The following ING3 variants were observed in gnomAD, a reference collection of about 807,000 sequenced individuals.
ING3 encodes inhibitor of growth protein 3.
ING3 carries 6 observed loss-of-function variants against 64.8 expected under a neutral mutation model. The observed-to-expected ratio is 0.09, with a 90% CI of 0.05 to 0.18. The LOEUF is 0.18. Among genes scored for constraint, ING3 ranks in the 10% least tolerant of loss-of-function variants. The probability of loss-of-function intolerance (pLI) is 1.00; values close to 1 mark genes in which losing one functional copy is unlikely to be tolerated. For missense variants in ING3, 310 were observed against 489.7 expected (o/e 0.63, Z 3.46); for synonymous variants, 170 against 173.7 (o/e 0.98, Z 0.17).
At chr7:120,966,579 G>A in intron 5 of ING3, 47 bp from the exon 6 acceptor site, 1 of 1,397,750 alleles carries the variant, frequency 7.2e-7, no homozygotes, top group Non-Finnish European at 1.0e-6. Flanking sequence ...GTGAAGTTCT[G>A]CGGTGACATT....
chr7:120,973,061 A>T (rs550373504), intron 10 of ING3, 144 bp from the exon 11 acceptor site: 37 of 518,114 alleles, frequency 7.1e-5, no homozygotes, highest in Non-Finnish European at 1.2e-4. Flanking sequence ...TTCAGGAAAA[A>T]ATTATTATAC....
In ING3 at chr7:120,950,778, C is replaced by G. The variant is rs1333079657; in HGVS notation, c.-119C>G. On this transcript the variant is annotated 5_prime_UTR_variant, in exon 1 of 12. Coordinates refer to ENST00000315870, the MANE Select transcript of ING3 (RefSeq NM_019071.3). ...TTTTTTTTTCTTTTTTTTTTTTTGC[C>G]GGAGTCGAGCGGGTGCTGCTAGCGG... 4 of 589,040 alleles carry G rather than the reference C, an allele frequency of 6.8e-6. No individual in the cohort carries two copies. Among genetic ancestry groups the G allele is most frequent in the Non-Finnish European group, 1.1e-5 (4 of 370,922 alleles). The allele number at this position is 589,040 out of a possible 1,614,324, so 36.5% of individuals were successfully genotyped here.
At chr7:120,955,432 G>T in intron 3 of ING3, 127 bp from the exon 4 acceptor site, 1 of 670,500 alleles carries the variant, frequency 1.5e-6, no homozygotes. Context: ...CCTCTAACAG[G>T]TTTTTTATTA....
In ING3 at chr7:120,955,661, C is replaced by A. The variant is rs10216200; in HGVS notation, c.267+37C>A. On this transcript the variant is annotated intron_variant, in intron 4 of 11. Transcript: ENST00000315870. ...TAATGTGCATACTGTGCCATAAGTA[C>A]TTGAATAACAGATTATATCTTAAAT... is the stretch of plus-strand genomic sequence containing the variant. The A allele has an allele frequency of 3.8e-3, 4,955 of 1,315,418 alleles. 123 individuals are homozygous for A. In the African/African-American group the frequency reaches 0.06, roughly 16 times the overall value. 81.5% of individuals were successfully genotyped at this position (1,315,418 alleles called of 1,614,324 possible).
At chr7:120,953,551 G>A in intron 3 of ING3, 147 bp downstream of exon 3, 1 of 569,218 alleles carries the variant, frequency 1.8e-6, no homozygotes, top group South Asian at 2.3e-5. Flanking sequence ...GTGGTTTAGA[G>A]CTTCAGATAG....
chr7:120,963,546 G>C (rs1163547180), intron 4 of ING3, among the ~76,000 whole-genome samples: 1 of 152,090 alleles, frequency 6.6e-6, no homozygotes, highest in African/African-American at 2.4e-5. Context: ...TTTGGTTTCT[G>C]TAATGCATTA....
intron 4 of ING3, chr7:120,955,959 A>C (rs1239004455): frequency 1.7e-6 from 1 of 587,286 alleles, no homozygotes; most frequent in Admixed American, 3.2e-5. Flanking sequence ...TGCCTTATAC[A>C]TCATTTTGAG....
intron 4 of ING3, chr7:120,955,854 G>T (rs1443359184): frequency 3.5e-6 from 2 of 573,964 alleles, no homozygotes; most frequent in East Asian, 5.8e-5. Flanking sequence ...CTATACGGCG[G>T]TAAGGTGGTT....
At chr7:120,959,363 T>C (rs994616276) in intron 4 of ING3, among the ~76,000 whole-genome samples, 3 of 152,192 alleles carry the variant, frequency 2.0e-5, no homozygotes, top group Non-Finnish European at 2.9e-5. Flanking sequence ...TTCCATGTGT[T>C]CTCTTAGTGT....
intron 5 of ING3, 110 bp downstream of exon 5, chr7:120,964,948 G>GCCAC: frequency 5.0e-6 from 4 of 797,846 alleles, no homozygotes; most frequent in Non-Finnish European, 6.3e-6. Context: ...ATGGATGGTG[G>GCCAC]CATCCAGGCC....
At chr7:120,969,671 A>G (rs1319902454) in intron 9 of ING3, among the ~76,000 whole-genome samples, 1 of 152,038 alleles carries the variant, frequency 6.6e-6, no homozygotes, top group African/African-American at 2.4e-5. Context: ...AAATATCCCT[A>G]GATTTTGTAT....
intron 4 of ING3, among the ~76,000 whole-genome samples, chr7:120,958,761 C>G (rs1016917368): frequency 3.9e-5 from 6 of 152,178 alleles, no homozygotes; most frequent in Admixed American, 3.9e-4. Flanking sequence ...TAAACATGCT[C>G]AGGTCTTCCT....
rs1453858742 is a variant in ING3, at chr7:120,976,924, A to G, written c.*2080A>G. On this transcript the variant is annotated 3_prime_UTR_variant, in exon 12 of 12. Transcript: ENST00000315870. Reference sequence around the variant, plus strand: ...TAGAACCTGTTAATATCTGAGTCATATATAATGGGGCCAAACATGGAACTA... The same window carrying G: ...TAGAACCTGTTAATATCTGAGTCATGTATAATGGGGCCAAACATGGAACTA... The G allele has an allele frequency of 1.3e-5, 2 of 152,242 alleles. No individual in the cohort carries two copies. Among genetic ancestry groups the G allele is most frequent in the African/African-American group, 2.4e-5 (1 of 41,462 alleles). 9.4% of individuals were successfully genotyped at this position (152,242 alleles called of 1,614,324 possible).
At chr7:120,974,269 G>A (rs1470398907) in intron 11 of ING3, among the ~76,000 whole-genome samples, 1 of 152,064 alleles carries the variant, frequency 6.6e-6, no homozygotes, top group Non-Finnish European at 1.5e-5. Context: ...TACATTTCAA[G>A]GAATAGAAAC....
intron 4 of ING3, among the ~76,000 whole-genome samples, chr7:120,961,987 C>T (rs976763687): frequency 2.0e-5 from 3 of 152,178 alleles, no homozygotes; most frequent in Admixed American, 6.5e-5. Flanking sequence ...GGTGAGGTAA[C>T]TTACATCCTT....
In ING3 at chr7:120,955,222, C is replaced by T. The variant is rs190290374; in HGVS notation, c.202-337C>T. Among the ~76,000 whole-genome samples, 28 of 152,216 alleles carry T rather than the reference C, an allele frequency of 1.8e-4. No homozygotes were observed. The East Asian group carries it at 4.8e-3, about 26-fold the overall frequency. ...TCGGCTCACTGCAACCTCTGGCTCC[C>T]GGTTCAAGCACTTCTTGTGCCTCAA... On this transcript the variant is annotated intron_variant, in intron 3 of 11. Transcript: ENST00000315870.
rs1034898166 is a variant in ING3, at chr7:120,970,709, C to T, written c.930C>T (p.Ser310=). The stretch of plus-strand genomic sequence containing the variant: ...TCAGAAACAACAACAAGTCTTCAAG[C>T]CAGCAGTCATCATCTTCCTCCTCCT... ...RKSKNNNKSS[S]QQSSSSSSSS... is the part of the protein sequence containing the mutation. The change falls in exon 10 of 12, where the codon AGC becomes AGT. Residue 310 remains serine (S), a synonymous_variant. Transcript: ENST00000315870. 2 of 1,613,668 alleles carry T rather than the reference C, an allele frequency of 1.2e-6. No individual in the cohort carries two copies. The highest frequency in any genetic ancestry group is 4.5e-5 in the East Asian group (2 of 44,840).
At chr7:120,955,301 G>A (rs1795829527) in intron 3 of ING3, among the ~76,000 whole-genome samples, 1 of 152,012 alleles carries the variant, frequency 6.6e-6, no homozygotes, top group African/African-American at 2.4e-5. Context: ...GCTAATTTTT[G>A]TATTTTTAGT....
At chr7:120,964,469 T>C (rs1795973097) in intron 4 of ING3, among the ~76,000 whole-genome samples, 1 of 152,152 alleles carries the variant, frequency 6.6e-6, no homozygotes, top group African/African-American at 2.4e-5. Context: ...AATTTTCATG[T>C]CCTGACTTCT....
Sources: allele counts gnomAD v4.1 joint callset (sites outside exome capture counted in the v4.1 genomes callset), GRCh38; gene constraint gnomAD v4.1.1; transcripts MANE v1.5; gene names NCBI Gene and HGNC (gene_info 2026-07-23, HGNC 2026-07-21).